CREBBP: variants seen among roughly 807,000 people sequenced by gnomAD.
CREBBP encodes CREB-binding protein.
A neutral mutation model predicts 265.0 loss-of-function variants in CREBBP; 19 were observed. The ratio of observed to expected loss-of-function variants is 0.07; its 90% CI spans 0.05 to 0.11. The LOEUF (loss-of-function observed/expected upper bound fraction) is 0.11. Among genes scored for constraint, CREBBP ranks in the 10% least tolerant of loss-of-function variants. The pLI is 1.00. For synonymous variants in CREBBP, 1,457 were observed against 1,223.7 expected, an observed-to-expected ratio of 1.19 and a Z score of -3.98; for missense variants, 2,525 against 3,219.0, an observed-to-expected ratio of 0.78 and a Z score of 5.22.
At chr16:3,781,175 T>C (rs765781215) in intron 7 of CREBBP, 29 bp downstream of exon 7, 3 of 1,575,838 alleles carry the variant, frequency 1.9e-6, no homozygotes, top group South Asian at 2.2e-5. Flanking sequence ...CCTGTTGGAC[T>C]GTCACTCAGA....
At chr16:3,777,888 TCAA>T in intron 10 of CREBBP, 120 bp downstream of exon 10, 2 of 1,269,514 alleles carry the variant, frequency 1.6e-6, no homozygotes, top group Admixed American at 1.7e-5. Flanking sequence ...CACTGCCACA[TCAA>T]CAGCTTCTGC....
chr16:3,836,852 A>G (rs186676096), intron 2 of CREBBP, among the ~76,000 whole-genome samples: 3 of 152,318 alleles, frequency 2.0e-5, no homozygotes, highest in Admixed American at 6.5e-5. Flanking sequence ...AAAAATTCCA[A>G]TGGCCTAGTG....
intron 1 of CREBBP, among the ~76,000 whole-genome samples, chr16:3,874,500 C>T (rs778838963): frequency 6.6e-6 from 1 of 152,230 alleles, no homozygotes; most frequent in Non-Finnish European, 1.5e-5. Context: ...TGGAACACAG[C>T]CAGGCCCACT....
At chr16:3,783,547 G>A (rs2053321585) in intron 5 of CREBBP, among the ~76,000 whole-genome samples, 1 of 152,246 alleles carries the variant, frequency 6.6e-6, no homozygotes, top group East Asian at 1.9e-4. Context: ...AGAGCACCAT[G>A]CTGAGCTCTC....
intron 5 of CREBBP, among the ~76,000 whole-genome samples, chr16:3,788,408 A>G (rs1004282395): frequency 6.6e-6 from 1 of 152,182 alleles, no homozygotes; most frequent in African/African-American, 2.4e-5. Context: ...CCTGAGGCCT[A>G]CACTTTGAGC....
intron 2 of CREBBP, among the ~76,000 whole-genome samples, chr16:3,842,967 C>CAAAAAAAAAAAAAAAAAAAAAAA (rs59990532): frequency 1.5e-5 from 1 of 65,230 alleles, no homozygotes; most frequent in Non-Finnish European, 2.9e-5. Flanking sequence ...ACTCCCATCT[C>CAAAAAAAAAAAAAAAAAAAAAAA]AAAAAAAAAA....
At chr16:3,754,323 T>A (rs11864123) in intron 19 of CREBBP, among the ~76,000 whole-genome samples, 20,938 of 152,126 alleles carry the variant, frequency 0.14, 3,718 homozygotes, top group African/African-American at 0.4. Context: ...CCTGGCAGTC[T>A]ATGAGTGATA....
chr16:3,747,651 T>C (rs1351191513), intron 21 of CREBBP, among the ~76,000 whole-genome samples: 1 of 152,208 alleles, frequency 6.6e-6, no homozygotes, highest in Non-Finnish European at 1.5e-5. Flanking sequence ...GAATGTAATA[T>C]ATTTTGAAGT....
At chr16:3,793,335 G>A in intron 4 of CREBBP, 51 bp downstream of exon 4, 1 of 1,612,426 alleles carries the variant, frequency 6.2e-7, no homozygotes, top group Non-Finnish European at 8.5e-7. Flanking sequence ...GAACAATAAA[G>A]GCAAATTCTT....
intron 23 of CREBBP, among the ~76,000 whole-genome samples, chr16:3,744,127 GT>G (rs958601962): frequency 9.2e-5 from 14 of 152,282 alleles, no homozygotes; most frequent in African/African-American, 3.4e-4. Flanking sequence ...GCAGTAACAG[GT>G]TGTTCCTTCT....
chr16:3,878,766 T>C (rs2055455046), intron 1 of CREBBP, among the ~76,000 whole-genome samples: 1 of 152,272 alleles, frequency 6.6e-6, no homozygotes, highest in Admixed American at 6.5e-5. Context: ...GCGCTGGAGA[T>C]GGAATTGTTC....
intron 1 of CREBBP, among the ~76,000 whole-genome samples, chr16:3,862,450 G>A (rs748846903): frequency 2.6e-5 from 4 of 152,108 alleles, no homozygotes; most frequent in Admixed American, 1.3e-4. Flanking sequence ...ACACAATCTC[G>A]GGTTATTAAA....
At chr16:3,851,084 C>G in intron 1 of CREBBP, 75 bp from the exon 2 acceptor site, 3 of 1,301,974 alleles carry the variant, frequency 2.3e-6, no homozygotes, top group Non-Finnish European at 3.3e-6. Flanking sequence ...TTTCTATGAT[C>G]TTAACCTAAT....
At chr16:3,827,789 CAA>C (rs2054267126) in intron 2 of CREBBP, among the ~76,000 whole-genome samples, 1 of 152,128 alleles carries the variant, frequency 6.6e-6, no homozygotes, top group African/African-American at 2.4e-5. Flanking sequence ...CTCCTGAGCT[CAA>C]GTGATCTTCC....
Position 3,774,676 on chromosome 16 carries a change from G to A in CREBBP, c.2176C>T (p.Pro726Ser). 2 of 1,614,130 alleles carry A rather than the reference G, an allele frequency of 1.2e-6. No individual in the cohort carries two copies. Among genetic ancestry groups the A allele is most frequent in the Non-Finnish European group, 1.7e-6 (2 of 1,180,030 alleles). Residue 726 changes from proline to serine, a missense_variant, in exon 12 of 31, where the codon CCC becomes TCC. Pro to Ser is a moderately conservative substitution (Grantham distance 74). Transcript: ENST00000262367. The stretch of plus-strand genomic sequence containing the variant: ...AACTGGACGTTCCCCAAGGACATGG[G>A]GTTAAATGAATTCATCCCTGTAAAT... The part of the protein sequence containing the change: ...QVSQGMNSFN[P>S]MSLGNVQLPQ...
At chr16:3,837,863 T>C (rs542112560) in intron 2 of CREBBP, among the ~76,000 whole-genome samples, 2 of 152,288 alleles carry the variant, frequency 1.3e-5, no homozygotes, top group Admixed American at 1.3e-4. Flanking sequence ...ATATAGTGTT[T>C]ATAAAGTCTA....
intron 26 of CREBBP, among the ~76,000 whole-genome samples, chr16:3,737,650 G>A (rs1034698739): frequency 5.9e-5 from 9 of 152,050 alleles, no homozygotes; most frequent in Non-Finnish European, 1.2e-4. Context: ...TTTTAGTACA[G>A]ACAGGGTTTC....
At chr16:3,763,166 C>T (rs1237803609) in intron 16 of CREBBP, among the ~76,000 whole-genome samples, 1 of 151,264 alleles carries the variant, frequency 6.6e-6, no homozygotes, top group African/African-American at 2.4e-5. Context: ...AAACTGAAAC[C>T]AATTTTTTTT....
chr16:3,727,381 CTTGT>C lies in CREBBP; in HGVS notation c.*333_*336del, dbSNP rs2051771444. The C allele has an allele frequency of 3.5e-6, 1 of 287,132 alleles. No homozygotes were observed. Among genetic ancestry groups the C allele is most frequent in the South Asian group, 6.6e-5 (1 of 15,250 alleles). 17.8% of individuals were successfully genotyped at this position (287,132 alleles called of 1,614,324 possible). Reference sequence around the variant, plus strand: ...AAATAAAAAATATGAATATAATGAACTTGTTTTTCCCGTTAAAAAAAGGCATGAG... The same window carrying C: ...AAATAAAAAATATGAATATAATGAACTTTTCCCGTTAAAAAAAGGCATGAG... On this transcript the variant is annotated 3_prime_UTR_variant, in exon 31 of 31. Coordinates refer to ENST00000262367, the MANE Select transcript of CREBBP (RefSeq NM_004380.3).
Sources: allele counts gnomAD v4.1 joint callset (sites outside exome capture counted in the v4.1 genomes callset), GRCh38; gene constraint gnomAD v4.1.1; transcripts MANE v1.5; gene names NCBI Gene and HGNC (gene_info 2026-07-23, HGNC 2026-07-21).